Variants in PRKDC observed in about 807,000 individuals in gnomAD.
PRKDC encodes the protein protein kinase, DNA-activated, catalytic subunit.
In PRKDC, 82 loss-of-function variants were observed where a neutral mutation model predicts 486.9. That is an observed-to-expected ratio of 0.17 (90% confidence interval 0.14 to 0.20). The LOEUF is 0.20. Among genes scored for constraint, PRKDC ranks in the 10% least tolerant of loss-of-function variants. The probability of loss-of-function intolerance (pLI) is 1.00; values close to 1 mark genes in which losing one functional copy is unlikely to be tolerated. For missense variants in PRKDC, 4,504 were observed against 5,038.2 expected (o/e 0.89, Z 3.21); for synonymous variants, 1,895 against 1,837.0 (o/e 1.03, Z -0.81).
intron 25 of PRKDC, among the ~76,000 whole-genome samples, chr8:47,908,847 A>C (rs1383368888): frequency 1.3e-5 from 2 of 152,204 alleles, no homozygotes; most frequent in Admixed American, 6.5e-5. Flanking sequence ...ATTTATTTAT[A>C]GTTCGTTTTT....
intron 3 of PRKDC, 108 bp downstream of exon 3, chr8:47,957,063 G>C: frequency 1.5e-6 from 1 of 655,542 alleles, no homozygotes; most frequent in Non-Finnish European, 2.4e-6. Context: ...ATTCCCCAAT[G>C]AGAAAGGAAA....
intron 16 of PRKDC, among the ~76,000 whole-genome samples, chr8:47,931,496 G>GTT (rs546905091): frequency 2.1e-5 from 3 of 144,244 alleles, no homozygotes; most frequent in Admixed American, 7.0e-5. Context: ...CTTTGGGCAA[G>GTT]TTTTTTTTTT....
chr8:47,868,262 T>C (rs1025149537), intron 40 of PRKDC, among the ~76,000 whole-genome samples: 2 of 152,106 alleles, frequency 1.3e-5, no homozygotes, highest in African/African-American at 4.8e-5. Context: ...ACAATTTCTT[T>C]TTAAATATTT....
chr8:47,791,399 C>G (rs774737940), intron 74 of PRKDC, among the ~76,000 whole-genome samples: 4 of 152,064 alleles, frequency 2.6e-5, no homozygotes, highest in Non-Finnish European at 4.4e-5. Flanking sequence ...CGCTTGAACC[C>G]GGGAGGCGCA....
intron 15 of PRKDC, among the ~76,000 whole-genome samples, 178 bp downstream of exon 15, chr8:47,933,787 T>C (rs929318973): frequency 6.6e-6 from 1 of 152,250 alleles, no homozygotes; most frequent in Non-Finnish European, 1.5e-5. Context: ...AATTCATTTA[T>C]TTCCACTCTC....
rs978603672 is a variant in PRKDC at position 47,958,715 on chromosome 8, T to C, written c.154+1258A>G. Among the ~76,000 whole-genome samples, 15 of 151,738 alleles carry C rather than the reference T, an allele frequency of 9.9e-5. No individual in the cohort carries two copies. The East Asian group carries it at 1.2e-3, about 12-fold the overall frequency. ...TTCTTGACAACAGATAGAGTACATA[T>C]AGGATACATGTATATAGCATCTTTT... On this transcript the variant is annotated intron_variant, in intron 1 of 85. Transcript: ENST00000314191.
At position 47,882,181 on chromosome 8, in the gene PRKDC, T is replaced by C. The variant is rs1439626546; in HGVS notation, c.4777-84A>G. On this transcript the variant is annotated intron_variant, in intron 36 of 85. Coordinates refer to ENST00000314191, the MANE Select transcript of PRKDC (RefSeq NM_006904.7). ...AAAATTTACCTTTATTTCAAAGCTA[T>C]TCTTGGAAAATAAATAAGCTATTTC... The C allele has an allele frequency of 3.9e-6, 5 of 1,293,558 alleles. No homozygotes were observed. The African/African-American group carries it at 4.5e-5, about 12-fold the overall frequency. 80.1% of individuals were successfully genotyped at this position (1,293,558 alleles called of 1,614,324 possible).
At position 47,893,236 on chromosome 8, in the gene PRKDC, C is replaced by T. The variant is rs778753749; in HGVS notation, c.3750G>A (p.Leu1250=). ...GGTCCAGCCAGCATAGCGTGGCCTG[C>T]AGGCTGAATGGCCCCCGAAGGTACA... ...TLLYLRGPFS[L]QATLCWLDLL... The change falls in exon 31 of 86, where the codon CTG becomes CTA. Residue 1250 remains leucine (L), a synonymous_variant. Coordinates refer to ENST00000314191, the MANE Select transcript of PRKDC (RefSeq NM_006904.7). 1 of 1,612,596 alleles carries T rather than the reference C, an allele frequency of 6.2e-7. No homozygotes were observed. Among genetic ancestry groups the T allele is most frequent in the East Asian group, 2.2e-5 (1 of 44,830 alleles).
Position 47,828,251 on chromosome 8 carries a change from T to C in PRKDC, c.8494A>G (p.Ile2832Val), listed in dbSNP as rs948862967. 2 of 1,613,408 alleles carry C rather than the reference T, an allele frequency of 1.2e-6. No homozygotes were observed. The highest frequency in any genetic ancestry group is 1.3e-5 in the African/African-American group (1 of 74,932). ...KFKTLSEKNN[I>V]TQKLLQDFNR... ...AAGTCTTGAAGCAACTTTTGAGTGATGTTGTTTTTTTCAGACAGTGTCTTA... is the reference window on the plus strand; with the variant it reads ...AAGTCTTGAAGCAACTTTTGAGTGACGTTGTTTTTTTCAGACAGTGTCTTA... The change falls in exon 62 of 86, where the codon ATC becomes GTC. Residue 2832 changes from isoleucine (I) to valine (V), a missense_variant. Physicochemically the swap from Ile to Val is conservative, Grantham distance 29. Around this residue, in one of 6 missense-constraint regions of PRKDC, gnomAD observed 1,592 missense variants for 1,724.6 expected, o/e 0.92. Transcript: ENST00000314191.
At chr8:47,786,895 AATTT>A (rs1370050041) in intron 76 of PRKDC, among the ~76,000 whole-genome samples, 25 of 151,572 alleles carry the variant, frequency 1.6e-4, no homozygotes, top group African/African-American at 5.8e-4. Context: ...GTGCCTGGCT[AATTT>A]TTGTATTTTT....
chr8:47,858,651 C>T lies in PRKDC; in HGVS notation c.6346-16G>A. Reference sequence around the variant, plus strand: ...GCACTGAATCCTAAAATAAAACATTCAAAATTACCTTAAAACGTGGAATAA... The same window carrying T: ...GCACTGAATCCTAAAATAAAACATTTAAAATTACCTTAAAACGTGGAATAA... On this transcript the variant is annotated splice_polypyrimidine_tract_variant and intron_variant, in intron 47 of 85. Transcript: ENST00000314191. The T allele has an allele frequency of 8.1e-6, 12 of 1,485,298 alleles. No homozygotes were observed. Among genetic ancestry groups the T allele is most frequent in the Non-Finnish European group, 1.1e-5 (12 of 1,115,794 alleles). The allele number at this position is 1,485,298 out of a possible 1,614,324, so 92.0% of individuals were successfully genotyped here.
chr8:47,915,859 T>C (rs2154502911), intron 22 of PRKDC, among the ~76,000 whole-genome samples: 1 of 152,354 alleles, frequency 6.6e-6, no homozygotes, highest in East Asian at 1.9e-4. Flanking sequence ...TTTAGCTAAC[T>C]GTAGTTATTC....
At chr8:47,947,509 G>A (rs1307616215) in intron 7 of PRKDC, among the ~76,000 whole-genome samples, 1 of 152,222 alleles carries the variant, frequency 6.6e-6, no homozygotes, top group East Asian at 1.9e-4. Context: ...CCTCAAGCCT[G>A]TAATCTGAGC....
chr8:47,876,272 A>G (rs1430889708), intron 40 of PRKDC, among the ~76,000 whole-genome samples: 2 of 152,214 alleles, frequency 1.3e-5, no homozygotes, highest in Non-Finnish European at 2.9e-5. Context: ...ATTTACATGG[A>G]TATTTACAAA....
At position 47,898,383 on chromosome 8, in the gene PRKDC, C is replaced by T. The variant is rs143170921; in HGVS notation, c.3464+87G>A. On this transcript the variant is annotated intron_variant, in intron 29 of 85. Transcript: ENST00000314191. Reference sequence around the variant, plus strand: ...TTTAGGAAGTAATTCCTTATACTTCCACAGATCCATCCCAGGTTGTCCTTC... The same window carrying T: ...TTTAGGAAGTAATTCCTTATACTTCTACAGATCCATCCCAGGTTGTCCTTC... The T allele has an allele frequency of 5.5e-6, 6 of 1,099,924 alleles. No homozygotes were observed. In the Middle Eastern group the frequency reaches 8.0e-4, roughly 147 times the overall value. 68.1% of individuals were successfully genotyped at this position (1,099,924 alleles called of 1,614,324 possible). A position where few individuals can be genotyped will look rare whatever the true frequency, so the allele number is the denominator to read the frequency against.
In PRKDC at chr8:47,863,563, G is replaced by A. The variant is rs2088727829; in HGVS notation, c.5586C>T (p.Thr1862=). 6.2e-7 allele frequency: 1 copy of A among 1,610,056 alleles called. No homozygotes were observed. The highest frequency in any genetic ancestry group is 8.5e-7 in the Non-Finnish European group (1 of 1,178,026). The change falls in exon 42 of 86, where the codon ACC becomes ACT. Residue 1862 remains threonine (T), a synonymous_variant. Coordinates refer to ENST00000314191, the MANE Select transcript of PRKDC (RefSeq NM_006904.7). ...TCTTCTTGGTGATTTGAGTATCAAA[G>A]GTAGATTCATTTAGCTTCAAAAAGG... The part of the protein sequence containing the change: ...KSRFTKLNES[T]FDTQITKKMG...
chr8:47,877,633 C>T, intron 40 of PRKDC, 91 bp downstream of exon 40: 1 of 1,262,956 alleles, frequency 7.9e-7, no homozygotes. Flanking sequence ...AATATAATTG[C>T]CACTCAGCTT....
chr8:47,824,397 C>T (rs1388626079), intron 63 of PRKDC, among the ~76,000 whole-genome samples: 1 of 142,562 alleles, frequency 7.0e-6, no homozygotes, highest in East Asian at 2.1e-4. Context: ...TGCTTGAACC[C>T]AGGAGGTGGA....
chr8:47,795,245 A>T (rs1312643269), intron 73 of PRKDC, among the ~76,000 whole-genome samples: 7 of 133,492 alleles, frequency 5.2e-5, no homozygotes, highest in East Asian at 4.5e-4. Flanking sequence ...GCTGGAGTGC[A>T]GTGGTGTGAT....
Sources: allele counts gnomAD v4.1 joint callset (sites outside exome capture counted in the v4.1 genomes callset), GRCh38; gene constraint gnomAD v4.1.1; regional missense constraint gnomAD v4.1.1; transcripts MANE v1.5; gene names NCBI Gene and HGNC (gene_info 2026-07-23, HGNC 2026-07-21).